The following AGFG1 variants were observed in gnomAD, a reference collection of about 807,000 sequenced individuals.
The protein encoded by AGFG1 is ArfGAP with FG repeats 1, also known as arf-GAP domain and FG repeat-containing protein 1.
AGFG1 carries 10 observed loss-of-function variants against 60.6 expected under a neutral mutation model. The ratio of observed to expected loss-of-function variants is 0.16; its 90% confidence interval spans 0.10 to 0.28. AGFG1 has a LOEUF of 0.28. Among genes scored for constraint, AGFG1 ranks in the 10% least tolerant of loss-of-function variants. The pLI, the probability that AGFG1 is intolerant of heterozygous loss-of-function variation, is 1.00. For synonymous variants in AGFG1, 247 were observed against 242.9 expected, an observed-to-expected ratio of 1.02 and a Z score of -0.16; for missense variants, 537 against 676.5, an observed-to-expected ratio of 0.79 and a Z score of 2.29.
intron 1 of AGFG1, among the ~76,000 whole-genome samples, chr2:227,474,272 T>C (rs575638062): frequency 1.3e-5 from 2 of 152,250 alleles, no homozygotes; most frequent in Non-Finnish European, 2.9e-5. Flanking sequence ...ATGGTTAAGA[T>C]GTATGTCCTG....
chr2:227,487,403 AT>A (rs964033797), intron 1 of AGFG1, among the ~76,000 whole-genome samples: 2 of 151,504 alleles, frequency 1.3e-5, no homozygotes, highest in African/African-American at 4.8e-5. Flanking sequence ...TTTTTTGCTG[AT>A]TAAAAAAATT....
intron 7 of AGFG1, among the ~76,000 whole-genome samples, chr2:227,534,131 T>C (rs1692240084): frequency 1.3e-5 from 2 of 152,100 alleles, no homozygotes; most frequent in South Asian, 4.1e-4. Flanking sequence ...TCCGTTAACA[T>C]CTTGGTGGGT....
intron 2 of AGFG1, among the ~76,000 whole-genome samples, chr2:227,497,340 A>G: frequency 6.6e-6 from 1 of 152,140 alleles, no homozygotes; most frequent in Non-Finnish European, 1.5e-5. Context: ...TAATGTAATG[A>G]CGTTATTGCC....
chr2:227,518,207 A>G (rs546601292), intron 2 of AGFG1, among the ~76,000 whole-genome samples: 11 of 152,298 alleles, frequency 7.2e-5, no homozygotes, highest in African/African-American at 2.6e-4. Context: ...CTTGTTTATG[A>G]ACAATTGGGT....
chr2:227,544,623 TC>T (rs1692588439), intron 10 of AGFG1, among the ~76,000 whole-genome samples: 1 of 152,226 alleles, frequency 6.6e-6, no homozygotes, highest in Non-Finnish European at 1.5e-5. Flanking sequence ...GTTTAGTACT[TC>T]CTTCAGGAGC....
At chr2:227,531,717 G>A (rs1214477792) in intron 6 of AGFG1, among the ~76,000 whole-genome samples, 1 of 151,896 alleles carries the variant, frequency 6.6e-6, no homozygotes, top group Non-Finnish European at 1.5e-5. Flanking sequence ...ACAGGTGTGA[G>A]CCACTGTGCC....
At position 227,554,665 on chromosome 2, in the gene AGFG1, C is replaced by T. The variant is rs757745140; in HGVS notation, c.*170C>T. 1.1e-5 allele frequency: 6 copies of T among 527,626 alleles called. No homozygotes were observed. The highest frequency in any genetic ancestry group is 1.9e-5 in the African/African-American group (1 of 52,040). 32.7% of individuals were successfully genotyped at this position (527,626 alleles called of 1,614,324 possible). ...GGTAATATGTGCAAAACCGAGGGCT[C>T]CAGTAACACCTTCTAACCTGTGAAT... On this transcript the variant is annotated 3_prime_UTR_variant, in exon 13 of 13. Coordinates refer to ENST00000310078, the MANE Select transcript of AGFG1 (RefSeq NM_004504.5).
chr2:227,548,044 T>C (rs1199749642), intron 10 of AGFG1, among the ~76,000 whole-genome samples: 1 of 152,238 alleles, frequency 6.6e-6, no homozygotes, highest in Non-Finnish European at 1.5e-5. Context: ...ACAACATGGA[T>C]GAACCTTGAA....
intron 2 of AGFG1, among the ~76,000 whole-genome samples, chr2:227,508,002 CT>C (rs34862640): frequency 0.08 from 11,476 of 142,706 alleles, 527 homozygotes; most frequent in East Asian, 0.15. Flanking sequence ...CTGAATGTTC[CT>C]TTTTTTTTTT....
At chr2:227,520,674 G>T (rs527843584) in intron 3 of AGFG1, among the ~76,000 whole-genome samples, 2 of 152,246 alleles carry the variant, frequency 1.3e-5, no homozygotes, top group Non-Finnish European at 2.9e-5. Context: ...ATGGAATAGG[G>T]ACTATATCTA....
In AGFG1 at chr2:227,558,380, A is replaced by T. The variant is rs149596488; in HGVS notation, c.*3885A>T. On this transcript the variant is annotated 3_prime_UTR_variant, in exon 13 of 13. Coordinates refer to ENST00000310078, the MANE Select transcript of AGFG1 (RefSeq NM_004504.5). ...CCTTTCATAATTTGATGAAATCAGT[A>T]CAGTTTATTCTTGGTTTTTTTTTTT... The T allele has an allele frequency of 6.6e-6, 1 of 151,086 alleles. No homozygotes were observed. Among genetic ancestry groups the T allele is most frequent in the Admixed American group, 6.6e-5 (1 of 15,092 alleles). 9.4% of individuals were successfully genotyped at this position (151,086 alleles called of 1,614,324 possible).
intron 10 of AGFG1, among the ~76,000 whole-genome samples, chr2:227,551,328 G>T (rs957924261): frequency 1.3e-5 from 2 of 152,136 alleles, no homozygotes; most frequent in Admixed American, 6.5e-5. Flanking sequence ...AGTCGTGTGT[G>T]TGTGTGTGTA....
At position 227,481,366 on chromosome 2, in the gene AGFG1, G is replaced by A. The variant is rs138097025; in HGVS notation, c.167+8778G>A. Among the ~76,000 whole-genome samples the A allele has an allele frequency of 4.0e-4, 61 of 152,140 alleles. 1 individual carries two copies. The highest frequency in any genetic ancestry group is 1.4e-3 in the African/African-American group (60 of 41,488). ...ATAACCTCTTTAAAACTTTCCTTCA[G>A]ACTTCCCACCTAGGGCTGGTGGGAG... On this transcript the variant is annotated intron_variant, in intron 1 of 12. Transcript: ENST00000310078.
Position 227,472,396 on chromosome 2 carries a change from C to T in AGFG1, c.-26C>T. 2 of 1,397,786 alleles carry T rather than the reference C, an allele frequency of 1.4e-6. No homozygotes were observed. Among genetic ancestry groups the T allele is most frequent in the Non-Finnish European group, 1.9e-6 (2 of 1,061,412 alleles). 86.6% of individuals were successfully genotyped at this position (1,397,786 alleles called of 1,614,324 possible). A position where few individuals can be genotyped will look rare whatever the true frequency, so the allele number is the denominator to read the frequency against. On this transcript the variant is annotated 5_prime_UTR_variant, in exon 1 of 13. Coordinates refer to ENST00000310078, the MANE Select transcript of AGFG1 (RefSeq NM_004504.5). ...AGCGCTGCCCGGCTCCCGGCCCTGC[C>T]GGCCTCCTCCCTTGGCGCCGCGGCC...
At chr2:227,544,498 A>G (rs1433098955) in intron 10 of AGFG1, among the ~76,000 whole-genome samples, 1 of 152,156 alleles carries the variant, frequency 6.6e-6, no homozygotes, top group Non-Finnish European at 1.5e-5. Flanking sequence ...TGATCCTGTC[A>G]TTATGATGTT....
At chr2:227,490,839 C>T (rs953499265) in intron 1 of AGFG1, among the ~76,000 whole-genome samples, 1 of 152,084 alleles carries the variant, frequency 6.6e-6, no homozygotes, top group Non-Finnish European at 1.5e-5. Context: ...AAGGTAAAGT[C>T]CTTTTAAGGC....
chr2:227,560,435 TCTGA>T lies in AGFG1; in HGVS notation c.*5943_*5946del, dbSNP rs755867546. The T allele has an allele frequency of 1.5e-4, 10 of 64,882 alleles. No homozygotes were observed. The highest frequency in any genetic ancestry group is 3.1e-4 in the Non-Finnish European group (9 of 28,812). The allele number at this position is 64,882 out of a possible 1,614,324, so 4.0% of individuals were successfully genotyped here. On this transcript the variant is annotated 3_prime_UTR_variant, in exon 13 of 13. Transcript: ENST00000310078. ...CCATTTAAAGAAGAAAAAAAATCTC[TCTGA>T]CTATCTGAAGATATATGAAAAAGCC...
intron 6 of AGFG1, among the ~76,000 whole-genome samples, chr2:227,531,522 T>C (rs1414098309): frequency 3.3e-5 from 3 of 91,574 alleles, no homozygotes; most frequent in Non-Finnish European, 6.7e-5. Flanking sequence ...TCTCTCTCTG[T>C]CTCTTTTTTT....
At chr2:227,550,148 G>T in intron 10 of AGFG1, 1 of 404,912 alleles carries the variant, frequency 2.5e-6, no homozygotes. Flanking sequence ...GTGGCAATTT[G>T]TCTACCTGCT....
Sources: allele counts gnomAD v4.1 joint callset (sites outside exome capture counted in the v4.1 genomes callset), GRCh38; gene constraint gnomAD v4.1.1; transcripts MANE v1.5; gene names NCBI Gene and HGNC (gene_info 2026-07-23, HGNC 2026-07-21).